TNIK: variants seen among roughly 807,000 people sequenced by gnomAD.
TNIK encodes the protein TRAF2 and NCK-interacting protein kinase.
A neutral mutation model predicts 191.3 loss-of-function variants in TNIK; 49 were observed. The observed-to-expected ratio is 0.26, with a 90% CI of 0.20 to 0.32. TNIK has a LOEUF of 0.32. Ranked by LOEUF, TNIK falls within the 10% of genes least tolerant of loss-of-function variation. The pLI, the probability that TNIK is intolerant of heterozygous loss-of-function variation, is 1.00. For missense variants in TNIK, 1,155 were observed against 1,702.3 expected (o/e 0.68, Z 5.66); for synonymous variants, 594 against 600.9 (o/e 0.99, Z 0.17).
intron 2 of TNIK, among the ~76,000 whole-genome samples, chr3:171,278,331 T>C (rs1348599862): frequency 6.6e-6 from 1 of 152,224 alleles, no homozygotes; most frequent in African/African-American, 2.4e-5. Context: ...GAGCAGCCTT[T>C]ACATGCTCAC....
At chr3:171,218,919 ATT>A (rs1272052403) in intron 3 of TNIK, among the ~76,000 whole-genome samples, 1 of 134,204 alleles carries the variant, frequency 7.5e-6, no homozygotes, top group African/African-American at 2.8e-5. Flanking sequence ...TTAAATATAT[ATT>A]TTTATATGTT....
At chr3:171,302,357 G>A (rs1451349963) in intron 2 of TNIK, among the ~76,000 whole-genome samples, 1 of 152,156 alleles carries the variant, frequency 6.6e-6, no homozygotes, top group Non-Finnish European at 1.5e-5. Flanking sequence ...TGTATCTATA[G>A]ACTTAGAATA....
At chr3:171,348,274 A>G (rs1214923535) in intron 2 of TNIK, among the ~76,000 whole-genome samples, 2 of 152,316 alleles carry the variant, frequency 1.3e-5, no homozygotes, top group African/African-American at 2.4e-5. Flanking sequence ...GTTTAAGTCA[A>G]CCTTTCTATA....
chr3:171,273,627 A>G (rs1749390591), intron 2 of TNIK, among the ~76,000 whole-genome samples: 1 of 152,148 alleles, frequency 6.6e-6, no homozygotes, highest in African/African-American at 2.4e-5. Context: ...GGCGAGTCCT[A>G]TTCTTCCATC....
chr3:171,327,007 C>T (rs1214251435), intron 2 of TNIK, among the ~76,000 whole-genome samples: 1 of 152,146 alleles, frequency 6.6e-6, no homozygotes, highest in Admixed American at 6.5e-5. Flanking sequence ...ATGCAAGAAG[C>T]ATTGTAAAAC....
chr3:171,218,036 G>A (rs941388249), intron 3 of TNIK, among the ~76,000 whole-genome samples: 27 of 152,196 alleles, frequency 1.8e-4, no homozygotes, highest in East Asian at 1.7e-3. Flanking sequence ...ACAGAATACC[G>A]TGTTCTACAT....
At chr3:171,221,397 G>C (rs1242328901) in intron 3 of TNIK, among the ~76,000 whole-genome samples, 1 of 152,054 alleles carries the variant, frequency 6.6e-6, no homozygotes, top group Admixed American at 6.6e-5. Context: ...CCTTCACTTG[G>C]CTAACGAAGG....
chr3:171,286,835 C>T (rs1751059689), intron 2 of TNIK, among the ~76,000 whole-genome samples: 1 of 152,160 alleles, frequency 6.6e-6, no homozygotes, highest in East Asian at 1.9e-4. Flanking sequence ...GTTTGAAGAG[C>T]TCTGTGTGCT....
At chr3:171,202,739 G>C (rs980737404) in intron 4 of TNIK, among the ~76,000 whole-genome samples, 1 of 152,224 alleles carries the variant, frequency 6.6e-6, no homozygotes, top group African/African-American at 2.4e-5. Context: ...TGTAGCTTCA[G>C]ATCTGTGTTT....
chr3:171,188,524 A>T (rs1737645081), intron 7 of TNIK, among the ~76,000 whole-genome samples, 178 bp downstream of exon 7: 1 of 152,208 alleles, frequency 6.6e-6, no homozygotes, highest in African/African-American at 2.4e-5. Context: ...ATCAGATAAG[A>T]TGGGTGAATT....
intron 10 of TNIK, 89 bp from the exon 11 acceptor site, chr3:171,161,425 C>T: frequency 4.2e-6 from 5 of 1,188,294 alleles, no homozygotes; most frequent in Non-Finnish European, 5.9e-6. Flanking sequence ...AATAAATAGA[C>T]ACCCAAAGAG....
intron 25 of TNIK, 106 bp from the exon 26 acceptor site, chr3:171,084,431 A>G: frequency 7.6e-7 from 1 of 1,312,882 alleles, no homozygotes; most frequent in Non-Finnish European, 1.0e-6. Context: ...GAATTATAGT[A>G]AAGGCAAGGA....
Position 171,333,606 on chromosome 3 carries a change from C to G in TNIK, c.123+36014G>C, listed in dbSNP as rs1008184478. ...AAAGAAAAAAAAAAAAAAAAAAAAC[C>G]TACAACACTGGATCCCCATTCCCAC... On this transcript the variant is annotated intron_variant, in intron 2 of 32. Coordinates refer to ENST00000436636, the MANE Select transcript of TNIK (RefSeq NM_015028.4). 4.9e-5 allele frequency among the ~76,000 whole-genome samples: 7 copies of G among 143,550 alleles called. No homozygotes were observed. In the East Asian group the frequency reaches 1.4e-3, roughly 29 times the overall value. 94.2% of individuals were successfully genotyped at this position (143,550 alleles called of 152,430 possible).
At chr3:171,091,769 C>T (rs1722091419) in intron 23 of TNIK, among the ~76,000 whole-genome samples, 1 of 151,840 alleles carries the variant, frequency 6.6e-6, no homozygotes, top group East Asian at 1.9e-4. Context: ...AGCAGTCTCT[C>T]TCTCTCTACA....
chr3:171,162,735 A>G (rs1242182720), intron 10 of TNIK, among the ~76,000 whole-genome samples: 1 of 152,258 alleles, frequency 6.6e-6, no homozygotes, highest in Non-Finnish European at 1.5e-5. Context: ...TCTATTTTTC[A>G]AGCAAGAATA....
intron 29 of TNIK, among the ~76,000 whole-genome samples, chr3:171,070,265 C>G (rs1437774191): frequency 6.6e-6 from 1 of 152,090 alleles, no homozygotes; most frequent in Non-Finnish European, 1.5e-5. Context: ...GCCATCTGCC[C>G]TAAGGGAACA....
At chr3:171,173,405 AAAAAAGAAAAG>A (rs1456514166) in intron 9 of TNIK, among the ~76,000 whole-genome samples, 110 of 151,644 alleles carry the variant, frequency 7.3e-4, no homozygotes, top group East Asian at 2.5e-3. Flanking sequence ...CAAAAAAAAA[AAAAAAGAAAAG>A]AAAAGAAAAG....
chr3:171,383,873 TACA>T (rs1179406034), intron 1 of TNIK, among the ~76,000 whole-genome samples: 2 of 152,138 alleles, frequency 1.3e-5, no homozygotes, highest in Non-Finnish European at 2.9e-5. Context: ...CCTGAGCACC[TACA>T]ATGTGCTATC....
chr3:171,284,868 G>T (rs1316645869), intron 2 of TNIK, among the ~76,000 whole-genome samples: 1 of 152,200 alleles, frequency 6.6e-6, no homozygotes, highest in Non-Finnish European at 1.5e-5. Flanking sequence ...CTAAAGCAGG[G>T]AAGGAGTAAG....
Sources: gnomAD v4.1 joint callset for allele counts (sites outside exome capture counted in the v4.1 genomes callset) on GRCh38, gnomAD v4.1.1 for gene constraint, MANE v1.5 for transcripts, NCBI Gene and HGNC (gene_info 2026-07-23, HGNC 2026-07-21) for gene names.